Variants in TDO2 observed in about 807,000 individuals in gnomAD.
TDO2 encodes the protein tryptamin 2,3-dioxygenase.
A neutral mutation model predicts 61.2 loss-of-function variants in TDO2; 63 were observed. The observed-to-expected ratio is 1.03, with a 90% CI of 0.84 to 1.27. TDO2 has a LOEUF of 1.27. Ranked by LOEUF, TDO2 falls within the 50% of genes most tolerant of loss-of-function variation. TDO2 has a pLI of 0.00. For missense variants in TDO2, 494 were observed against 469.5 expected (o/e 1.05, Z -0.48); for synonymous variants, 183 against 164.0 (o/e 1.12, Z -0.89).
intron 3 of TDO2, 144 bp from the exon 4 acceptor site, chr4:155,907,578 G>C: frequency 1.7e-6 from 1 of 571,794 alleles, no homozygotes; most frequent in South Asian, 2.5e-5. Flanking sequence ...TTTATTTCTG[G>C]CACACAATGG....
chr4:155,919,800 C>G (rs1743010296), intron 11 of TDO2, 37 bp from the exon 12 acceptor site: 1 of 1,542,712 alleles, frequency 6.5e-7, no homozygotes, highest in Admixed American at 2.1e-5. Context: ...TATTTCATGT[C>G]AACCAATGTA....
In TDO2 at chr4:155,908,901, G is replaced by A. The variant is rs746807304; in HGVS notation, c.318G>A (p.Arg106=). Reference sequence around the variant, plus strand: ...TTAACCTTCAGGTCAGAGATGAAAGGAACATGCTTAAGGTTGTTTCTCGGA... The same window carrying A: ...TTAACCTTCAGGTCAGAGATGAAAGAAACATGCTTAAGGTTGTTTCTCGGA... The part of the protein sequence containing the change: ...IFQNGHVRDE[R]NMLKVVSRMH... The change falls in exon 5 of 12, where the codon AGG becomes AGA. Residue 106 remains arginine (R), a synonymous_variant. Coordinates refer to ENST00000536354, the MANE Select transcript of TDO2 (RefSeq NM_005651.4). 9.9e-6 allele frequency: 16 copies of A among 1,610,814 alleles called. No homozygotes were observed. The South Asian group carries it at 1.8e-4, about 18-fold the overall frequency.
At chr4:155,916,632 A>C (rs1742942367) in intron 9 of TDO2, among the ~76,000 whole-genome samples, 1 of 152,114 alleles carries the variant, frequency 6.6e-6, no homozygotes, top group Non-Finnish European at 1.5e-5. Flanking sequence ...TTTCAAGTAA[A>C]ATTAGCTTCA....
At chr4:155,907,072 C>G (rs1047602780) in intron 3 of TDO2, 1 of 152,168 alleles carries the variant, frequency 6.6e-6, no homozygotes, top group African/African-American at 2.4e-5. Flanking sequence ...ACCTTGGACT[C>G]ATGGAAATTC....
intron 2 of TDO2, among the ~76,000 whole-genome samples, chr4:155,904,729 T>C (rs1742687084): frequency 6.6e-6 from 1 of 152,170 alleles, no homozygotes; most frequent in Non-Finnish European, 1.5e-5. Context: ...ATAGGCTCTT[T>C]AGGGGAATAA....
intron 8 of TDO2, 53 bp downstream of exon 8, chr4:155,914,487 C>G: frequency 2.4e-6 from 3 of 1,230,348 alleles, no homozygotes; most frequent in Non-Finnish European, 3.4e-6. Context: ...AATATGAGAT[C>G]AAGACATCAT....
At chr4:155,907,683 C>T in intron 3 of TDO2, 39 bp from the exon 4 acceptor site, 1 of 1,441,320 alleles carries the variant, frequency 6.9e-7, no homozygotes, top group South Asian at 1.2e-5. Context: ...CAAAAAGGCT[C>T]CCATAACTTT....
intron 7 of TDO2, among the ~76,000 whole-genome samples, chr4:155,913,808 T>A (rs959973730): frequency 2.6e-5 from 4 of 152,000 alleles, no homozygotes; most frequent in South Asian, 2.1e-4. Context: ...GGCAGAAAAA[T>A]AAGAATTTTC....
In TDO2 at chr4:155,903,697, G is replaced by T. The variant is rs1742665660; in HGVS notation, c.-62G>T. ...AAGGCAGCTGTAGAACATCTGGGAA[G>T]GTCAATGATAGCATCTGCCTAGAGT... On this transcript the variant is annotated 5_prime_UTR_variant, in exon 1 of 12. The change creates a new upstream start codon in the 5' untranslated region. Coordinates refer to ENST00000536354, the MANE Select transcript of TDO2 (RefSeq NM_005651.4). 1.9e-6 allele frequency: 3 copies of T among 1,593,420 alleles called. No individual in the cohort carries two copies. The highest frequency in any genetic ancestry group is 2.6e-6 in the Non-Finnish European group (3 of 1,161,418).
chr4:155,913,228 C>A (rs1742869476), intron 7 of TDO2, among the ~76,000 whole-genome samples: 1 of 152,086 alleles, frequency 6.6e-6, no homozygotes, highest in Non-Finnish European at 1.5e-5. Flanking sequence ...TTGTGTAAAG[C>A]CTTTTGATGT....
intron 4 of TDO2, among the ~76,000 whole-genome samples, chr4:155,908,359 C>T (rs1263402223): frequency 1.3e-5 from 2 of 152,238 alleles, no homozygotes; most frequent in Admixed American, 1.3e-4. Context: ...CTTTCTCTTG[C>T]CATGGCTCTG....
chr4:155,914,039 A>G (rs772061648), intron 7 of TDO2, among the ~76,000 whole-genome samples: 23 of 152,100 alleles, frequency 1.5e-4, no homozygotes, highest in Non-Finnish European at 3.1e-4. Context: ...GCTGGTAGTT[A>G]TCTCCAATTT....
At chr4:155,905,288 T>C (rs1742699054) in intron 3 of TDO2, 131 bp downstream of exon 3, 3 of 745,502 alleles carry the variant, frequency 4.0e-6, no homozygotes, top group Non-Finnish European at 6.6e-6. Context: ...TTTGAGAATA[T>C]TTTGCTGCCA....
intron 6 of TDO2, among the ~76,000 whole-genome samples, chr4:155,910,497 A>G (rs1017929972): frequency 1.3e-5 from 2 of 152,272 alleles, no homozygotes; most frequent in African/African-American, 4.8e-5. Flanking sequence ...ATCCCTTCTA[A>G]GTAACACTTA....
intron 9 of TDO2, 35 bp downstream of exon 9, chr4:155,915,947 T>C (rs1742925043): frequency 6.4e-7 from 1 of 1,571,166 alleles, no homozygotes; most frequent in Non-Finnish European, 8.7e-7. Flanking sequence ...GAAGTTAAAA[T>C]TGAGGGGTGG....
chr4:155,913,462 T>G lies in TDO2; in HGVS notation c.727-861T>G, dbSNP rs564615328. 2.6e-5 allele frequency among the ~76,000 whole-genome samples: 4 copies of G among 152,210 alleles called. 1 individual carries two copies. The South Asian group carries it at 8.3e-4, about 32-fold the overall frequency. ...AGATCTTGGCTCGAGGAAAACTTCT[T>G]TAGAAAGGTCTTTCCTAAACTCCTT... On this transcript the variant is annotated intron_variant, in intron 7 of 11. Coordinates refer to ENST00000536354, the MANE Select transcript of TDO2 (RefSeq NM_005651.4).
At chr4:155,915,376 G>A (rs537447433) in intron 8 of TDO2, among the ~76,000 whole-genome samples, 4 of 152,166 alleles carry the variant, frequency 2.6e-5, no homozygotes, top group East Asian at 1.9e-4. Flanking sequence ...ATCTTGTTTC[G>A]CTGCAGCAGG....
intron 7 of TDO2, 135 bp from the exon 8 acceptor site, chr4:155,914,188 A>G: frequency 1.7e-6 from 1 of 600,050 alleles, no homozygotes; most frequent in Middle Eastern, 3.9e-4. Context: ...CCAAATAGTA[A>G]TATTAGAAGA....
intron 9 of TDO2, among the ~76,000 whole-genome samples, chr4:155,916,822 C>T (rs1474000314): frequency 1.3e-5 from 2 of 152,122 alleles, no homozygotes; most frequent in African/African-American, 2.4e-5. Flanking sequence ...AAAATCTTCT[C>T]AAGTCTTTCT....
Sources: gnomAD v4.1 joint callset for allele counts (sites outside exome capture counted in the v4.1 genomes callset) on GRCh38, gnomAD v4.1.1 for gene constraint, MANE v1.5 for transcripts, NCBI Gene and HGNC (gene_info 2026-07-23, HGNC 2026-07-21) for gene names.